BABAM2: variants seen among roughly 807,000 people sequenced by gnomAD.
BABAM2 encodes the protein BRISC and BRCA1-A complex member 2.
A neutral mutation model predicts 54.7 loss-of-function variants in BABAM2; 31 were observed. That is an observed-to-expected ratio of 0.57 (90% confidence interval 0.43 to 0.77). BABAM2 has a LOEUF of 0.77. Ranked by LOEUF, BABAM2 falls within the 30% of genes least tolerant of loss-of-function variation. The probability of loss-of-function intolerance (pLI) is 0.00; values close to 1 mark genes in which losing one functional copy is unlikely to be tolerated. For missense variants in BABAM2, 364 were observed against 455.8 expected (o/e 0.80, Z 1.83); for synonymous variants, 167 against 162.9 (o/e 1.03, Z -0.19).
At chr2:28,020,809 T>C (rs1225393504) in intron 4 of BABAM2, among the ~76,000 whole-genome samples, 1 of 152,154 alleles carries the variant, frequency 6.6e-6, no homozygotes, top group African/African-American at 2.4e-5. Flanking sequence ...TGCAGTTTCA[T>C]GATATTACAA....
At chr2:28,277,098 A>ATACG (rs1380583690) in intron 10 of BABAM2, among the ~76,000 whole-genome samples, 2 of 152,086 alleles carry the variant, frequency 1.3e-5, no homozygotes, top group Non-Finnish European at 2.9e-5. Flanking sequence ...CTCAGAACGT[A>ATACG]ACCTGTCCAT....
At chr2:27,970,032 A>G (rs1348565334) in intron 3 of BABAM2, among the ~76,000 whole-genome samples, 1 of 152,150 alleles carries the variant, frequency 6.6e-6, no homozygotes, top group Non-Finnish European at 1.5e-5. Flanking sequence ...GCTTTTGCTC[A>G]TGATGTTCCC....
chr2:27,893,097 A>G (rs570691743), intron 1 of BABAM2, among the ~76,000 whole-genome samples: 39 of 152,344 alleles, frequency 2.6e-4, no homozygotes, highest in Admixed American at 2.4e-3. Context: ...GAAAACTAGA[A>G]CCAGAGCATC....
At chr2:28,052,275 G>GTT in intron 6 of BABAM2, among the ~76,000 whole-genome samples, 1 of 142,692 alleles carries the variant, frequency 7.0e-6, no homozygotes, top group African/African-American at 2.6e-5. Context: ...CATAGAGAAG[G>GTT]TTTTTTTTTT....
At chr2:27,899,838 T>A (rs1254431716) in intron 2 of BABAM2, among the ~76,000 whole-genome samples, 7 of 152,206 alleles carry the variant, frequency 4.6e-5, no homozygotes, top group African/African-American at 1.7e-4. Context: ...TTAATATGTA[T>A]GGAATTTACT....
intron 7 of BABAM2, among the ~76,000 whole-genome samples, chr2:28,130,762 C>T (rs1255229889): frequency 1.3e-5 from 2 of 151,960 alleles, no homozygotes; most frequent in South Asian, 2.1e-4. Flanking sequence ...TGTTTTGAGA[C>T]AGAGTCTCAC....
chr2:27,990,217 A>T (rs1052465921), intron 4 of BABAM2, among the ~76,000 whole-genome samples: 1 of 152,164 alleles, frequency 6.6e-6, no homozygotes, highest in Admixed American at 6.5e-5. Flanking sequence ...CATACCCTCC[A>T]CTAGTTGGGC....
chr2:27,910,309 A>G (rs1666489740), intron 2 of BABAM2, among the ~76,000 whole-genome samples: 1 of 152,226 alleles, frequency 6.6e-6, no homozygotes, highest in Non-Finnish European at 1.5e-5. Context: ...CCTAGGTTGA[A>G]AAAAGTCATT....
At chr2:28,212,896 G>C (rs887105489) in intron 7 of BABAM2, among the ~76,000 whole-genome samples, 9 of 152,132 alleles carry the variant, frequency 5.9e-5, no homozygotes, top group Non-Finnish European at 2.9e-5. Flanking sequence ...TACAGCCCAA[G>C]AGGCTTACCA....
chr2:28,047,835 G>T (rs1025867202), intron 6 of BABAM2, among the ~76,000 whole-genome samples: 1 of 152,146 alleles, frequency 6.6e-6, no homozygotes, highest in Non-Finnish European at 1.5e-5. Context: ...AGAAACTCTT[G>T]TGTAACACAA....
chr2:27,954,967 C>T (rs1669984584), intron 3 of BABAM2, among the ~76,000 whole-genome samples: 1 of 152,108 alleles, frequency 6.6e-6, no homozygotes, highest in Non-Finnish European at 1.5e-5. Context: ...AAGTAGTGCT[C>T]TGGGACCTTC....
chr2:28,237,373 C>A, intron 8 of BABAM2, 72 bp downstream of exon 8: 1 of 1,342,470 alleles, frequency 7.4e-7, no homozygotes, highest in South Asian at 1.2e-5. Flanking sequence ...CCAAAATCAT[C>A]GTGCATGCTC....
At chr2:28,195,514 AACTC>A (rs1213829761) in intron 7 of BABAM2, among the ~76,000 whole-genome samples, 1 of 152,258 alleles carries the variant, frequency 6.6e-6, no homozygotes, top group East Asian at 1.9e-4. Flanking sequence ...CAGTGTAACA[AACTC>A]ACAGATTCAT....
At chr2:28,308,564 G>T in intron 11 of BABAM2, 1 of 470,176 alleles carries the variant, frequency 2.1e-6, no homozygotes, top group South Asian at 1.6e-5. Context: ...GAGAGAAGAA[G>T]GCATATTGGG....
intron 7 of BABAM2, among the ~76,000 whole-genome samples, chr2:28,212,051 T>C (rs1025231627): frequency 6.6e-6 from 1 of 152,196 alleles, no homozygotes; most frequent in African/African-American, 2.4e-5. Flanking sequence ...TAAAATTGAC[T>C]TGTTGACAAA....
intron 5 of BABAM2, 55 bp downstream of exon 5, chr2:28,025,475 A>G: frequency 1.4e-6 from 2 of 1,435,342 alleles, no homozygotes; most frequent in Non-Finnish European, 1.9e-6. Context: ...TAAAATAATC[A>G]ATTCATATGT....
chr2:27,946,755 A>G (rs988925801), intron 3 of BABAM2, among the ~76,000 whole-genome samples: 6 of 152,188 alleles, frequency 3.9e-5, no homozygotes, highest in African/African-American at 1.2e-4. Context: ...GTTTTTAACT[A>G]TAAATGCAAT....
intron 6 of BABAM2, among the ~76,000 whole-genome samples, chr2:28,049,555 T>C (rs896747031): frequency 2.0e-5 from 3 of 151,694 alleles, no homozygotes; most frequent in Non-Finnish European, 3.0e-5. Flanking sequence ...CATGTAGAAA[T>C]TTAGTTCTAC....
intron 7 of BABAM2, among the ~76,000 whole-genome samples, chr2:28,136,439 C>T (rs1020025443): frequency 3.3e-5 from 5 of 152,364 alleles, no homozygotes; most frequent in Middle Eastern, 3.4e-3. Flanking sequence ...CTAGCCAGGC[C>T]CCTGCCCAAG....
Sources: gnomAD v4.1 joint callset for allele counts (sites outside exome capture counted in the v4.1 genomes callset) on GRCh38, gnomAD v4.1.1 for gene constraint, MANE v1.5 for transcripts, NCBI Gene and HGNC (gene_info 2026-07-23, HGNC 2026-07-21) for gene names.